The following DDX60 variants were observed in gnomAD, a reference collection of about 807,000 sequenced individuals.
The protein encoded by DDX60 is probable ATP-dependent RNA helicase DDX60.
In DDX60, 165 loss-of-function variants were observed where a neutral mutation model predicts 212.8. The observed-to-expected ratio is 0.78, with a 90% confidence interval of 0.68 to 0.88. The LOEUF (loss-of-function observed/expected upper bound fraction) is 0.88, where lower values mean the gene tolerates loss of function less well. Ranked by LOEUF, DDX60 falls within the 40% of genes least tolerant of loss-of-function variation. The pLI is 0.00. For synonymous variants in DDX60, 703 were observed against 685.3 expected (o/e 1.03, Z -0.40); for missense variants, 1,905 against 2,003.9 (o/e 0.95, Z 0.94).
intron 3 of DDX60, among the ~76,000 whole-genome samples, chr4:168,309,344 T>C (rs1737031402): frequency 2.0e-5 from 3 of 152,134 alleles, no homozygotes; most frequent in Admixed American, 2.0e-4. Context: ...AAAAGTTGAA[T>C]TGCCTGATGT....
chr4:168,268,410 T>C (rs1734943275), intron 20 of DDX60, among the ~76,000 whole-genome samples: 1 of 152,104 alleles, frequency 6.6e-6, no homozygotes, highest in African/African-American at 2.4e-5. Context: ...TTATTAGTAG[T>C]AGGCAAAAAT....
chr4:168,258,281 C>T (rs529517886), intron 25 of DDX60, among the ~76,000 whole-genome samples: 1 of 152,124 alleles, frequency 6.6e-6, no homozygotes, highest in African/African-American at 2.4e-5. Flanking sequence ...TCTCATTTTG[C>T]AAATAAGTAA....
intron 33 of DDX60, among the ~76,000 whole-genome samples, chr4:168,234,901 C>T (rs1733578358): frequency 6.6e-6 from 1 of 151,996 alleles, no homozygotes; most frequent in African/African-American, 2.4e-5. Context: ...TTTTAGTAAG[C>T]CTCATTTATG....
At chr4:168,246,828 C>T (rs1471850124) in intron 29 of DDX60, among the ~76,000 whole-genome samples, 2 of 152,126 alleles carry the variant, frequency 1.3e-5, no homozygotes, top group African/African-American at 2.4e-5. Flanking sequence ...GTCATCATTA[C>T]GTACGTATTT....
At chr4:168,301,823 G>T (rs1736659269) in intron 6 of DDX60, among the ~76,000 whole-genome samples, 1 of 152,226 alleles carries the variant, frequency 6.6e-6, no homozygotes, top group South Asian at 2.1e-4. Context: ...TCACAGTAGA[G>T]AAAACTGTCA....
At chr4:168,230,956 A>G (rs1230148143) in intron 33 of DDX60, among the ~76,000 whole-genome samples, 2 of 152,102 alleles carry the variant, frequency 1.3e-5, no homozygotes, top group African/African-American at 4.8e-5. Flanking sequence ...CATTAGTGAG[A>G]TTAGCCAAGA....
chr4:168,301,213 A>G (rs754905557), intron 6 of DDX60, among the ~76,000 whole-genome samples: 17 of 152,290 alleles, frequency 1.1e-4, no homozygotes, highest in African/African-American at 3.6e-4. Flanking sequence ...AAAAATAAAG[A>G]AAGGGGAGGG....
At chr4:168,295,004 C>T (rs1736278484) in intron 6 of DDX60, among the ~76,000 whole-genome samples, 1 of 151,996 alleles carries the variant, frequency 6.6e-6, no homozygotes, top group African/African-American at 2.4e-5. Flanking sequence ...AATAATTAGG[C>T]AAATGCAAAT....
intron 5 of DDX60, among the ~76,000 whole-genome samples, chr4:168,303,271 C>T (rs906146626): frequency 2.0e-5 from 3 of 147,492 alleles, no homozygotes; most frequent in African/African-American, 7.7e-5. Context: ...CACTGCACTC[C>T]AGCCTGGGCG....
rs17053852 is a variant in DDX60 at position 168,251,225 on chromosome 4, C to T, written c.3706-119G>A. On this transcript the variant is annotated intron_variant, in intron 27 of 37. Transcript: ENST00000393743. ...TGGCTAAACAGGCAACTATTTGAAA[C>T]TGACTCTACATGAATACAAAGAACA... 0.016 allele frequency: 13,986 copies of T among 881,016 alleles called. 1,287 individuals carry two copies. The African/African-American group carries it at 0.21, about 13-fold the overall frequency. 54.6% of individuals were successfully genotyped at this position (881,016 alleles called of 1,614,324 possible).
chr4:168,224,486 C>A, intron 34 of DDX60, 101 bp from the exon 35 acceptor site: 2 of 1,162,340 alleles, frequency 1.7e-6, no homozygotes, highest in Non-Finnish European at 2.5e-6. Context: ...AGCCATTCAG[C>A]TTCATGTAAT....
intron 17 of DDX60, 95 bp from the exon 18 acceptor site, chr4:168,273,493 C>A: frequency 6.7e-7 from 1 of 1,489,546 alleles, no homozygotes; most frequent in Non-Finnish European, 9.1e-7. Flanking sequence ...GTCCTGCTTT[C>A]AGTGCAGAAA....
intron 22 of DDX60, 74 bp from the exon 23 acceptor site, chr4:168,262,861 C>T (rs928478211): frequency 1.5e-5 from 15 of 1,016,946 alleles, no homozygotes; most frequent in Non-Finnish European, 2.0e-5. Flanking sequence ...TAGTCACTAT[C>T]ATAACCCAAA....
chr4:168,219,060 T>C (rs1010906904), intron 37 of DDX60, among the ~76,000 whole-genome samples: 2 of 151,580 alleles, frequency 1.3e-5, no homozygotes, highest in Non-Finnish European at 2.9e-5. Context: ...GCGGGTGGAT[T>C]GCCTGAGCTC....
At chr4:168,312,277 A>C (rs1337349244) in intron 1 of DDX60, among the ~76,000 whole-genome samples, 4 of 152,142 alleles carry the variant, frequency 2.6e-5, no homozygotes, top group African/African-American at 9.7e-5. Flanking sequence ...TTTGTGAACC[A>C]CCTGAATTTG....
At chr4:168,323,672 G>A (rs1737647506), upstream of DDX60, among the ~76,000 whole-genome samples, 1 of 152,096 alleles carries the variant, frequency 6.6e-6, no homozygotes, top group African/African-American at 2.4e-5. Context: ...TATGTATAGA[G>A]GTATCTATTA....
rs192356578 is a variant in DDX60, at chr4:168,285,332, C to T, written c.1445+61G>A. 68 of 938,946 alleles carry T rather than the reference C, an allele frequency of 7.2e-5. No homozygotes were observed. The South Asian group carries it at 8.0e-4, about 11-fold the overall frequency. The allele number at this position is 938,946 out of a possible 1,614,324, so 58.2% of individuals were successfully genotyped here. A position where few individuals can be genotyped will look rare whatever the true frequency, so the allele number is the denominator to read the frequency against. ...AATCGTCTGCATTTCAAATAATCCTCGTTGAGTAACTCATGTATTCCACAC... is the reference window on the plus strand; with the variant it reads ...AATCGTCTGCATTTCAAATAATCCTTGTTGAGTAACTCATGTATTCCACAC... On this transcript the variant is annotated intron_variant, in intron 11 of 37. Transcript: ENST00000393743.
At chr4:168,302,110 T>A (rs1183703132) in intron 6 of DDX60, among the ~76,000 whole-genome samples, 190 bp downstream of exon 6, 2 of 152,194 alleles carry the variant, frequency 1.3e-5, no homozygotes, top group Non-Finnish European at 2.9e-5. Flanking sequence ...TGGAATAAGG[T>A]CTAAAGTTTA....
chr4:168,292,037 C>T, intron 7 of DDX60, 131 bp from the exon 8 acceptor site: 5 of 418,156 alleles, frequency 1.2e-5, no homozygotes, highest in South Asian at 6.6e-5. Context: ...TTCTTTCTTT[C>T]TTTCTTTCTT....
Sources: gnomAD v4.1 joint callset for allele counts (sites outside exome capture counted in the v4.1 genomes callset) on GRCh38, gnomAD v4.1.1 for gene constraint, MANE v1.5 for transcripts, NCBI Gene and HGNC (gene_info 2026-07-23, HGNC 2026-07-21) for gene names.